The following UBASH3B variants were observed in gnomAD, a reference collection of about 807,000 sequenced individuals.
The protein encoded by UBASH3B is ubiquitin associated and SH3 domain containing B.
UBASH3B carries 37 observed loss-of-function variants against 83.4 expected under a neutral mutation model. That is an observed-to-expected ratio of 0.44 (90% confidence interval 0.34 to 0.58). The LOEUF (loss-of-function observed/expected upper bound fraction) is 0.58, where lower values mean the gene tolerates loss of function less well. UBASH3B is among the 20% of genes least tolerant of loss of function. The pLI is 0.01. For missense variants in UBASH3B, 657 were observed against 827.2 expected, an observed-to-expected ratio of 0.79 and a Z score of 2.52; for synonymous variants, 304 against 318.3, an observed-to-expected ratio of 0.96 and a Z score of 0.48.
intron 1 of UBASH3B, among the ~76,000 whole-genome samples, chr11:122,748,574 A>C (rs1318010770): frequency 6.6e-6 from 1 of 152,214 alleles, no homozygotes; most frequent in African/African-American, 2.4e-5. Context: ...ACGTTTATGC[A>C]ATTTATTACT....
intron 1 of UBASH3B, among the ~76,000 whole-genome samples, chr11:122,667,515 A>T (rs983598989): frequency 3.3e-5 from 5 of 152,212 alleles, no homozygotes; most frequent in African/African-American, 1.2e-4. Context: ...CACGATTATG[A>T]TAAAGCGTGG....
At chr11:122,727,390 C>T (rs1188438492) in intron 1 of UBASH3B, 1 of 152,150 alleles carries the variant, frequency 6.6e-6, no homozygotes, top group Non-Finnish European at 1.5e-5. Context: ...TTCCTGCGTT[C>T]TCTAAGGGTC....
intron 1 of UBASH3B, among the ~76,000 whole-genome samples, chr11:122,751,933 A>G (rs1166234123): frequency 6.6e-6 from 1 of 152,204 alleles, no homozygotes; most frequent in African/African-American, 2.4e-5. Flanking sequence ...TCTCCAAAGA[A>G]GAGCCACAAG....
chr11:122,800,234 T>G (rs1468795811), intron 10 of UBASH3B, among the ~76,000 whole-genome samples: 1 of 152,246 alleles, frequency 6.6e-6, no homozygotes, highest in East Asian at 1.9e-4. Context: ...TCATGGAATT[T>G]GCTTTAGAAA....
chr11:122,744,900 C>CGTGTGTGTGTGTGTGTGT (rs1565549521), intron 1 of UBASH3B, among the ~76,000 whole-genome samples: 2 of 115,752 alleles, frequency 1.7e-5, no homozygotes, highest in African/African-American at 5.8e-5. Flanking sequence ...TGTGTGTGTG[C>CGTGTGTGTGTGTGTGTGT]GCGCGCGCGC....
chr11:122,805,838 C>T (rs928581916), intron 11 of UBASH3B, among the ~76,000 whole-genome samples: 1 of 152,230 alleles, frequency 6.6e-6, no homozygotes, highest in African/African-American at 2.4e-5. Flanking sequence ...ACCCCAACCA[C>T]AGGCAGAGAA....
At chr11:122,689,560 C>T (rs1049325310) in intron 1 of UBASH3B, among the ~76,000 whole-genome samples, 14 of 152,106 alleles carry the variant, frequency 9.2e-5, no homozygotes, top group African/African-American at 3.4e-4. Flanking sequence ...CCGAGGAAGC[C>T]TTCTATGAAC....
At chr11:122,728,581 C>A (rs1860785218) in intron 1 of UBASH3B, among the ~76,000 whole-genome samples, 1 of 152,172 alleles carries the variant, frequency 6.6e-6, no homozygotes, top group African/African-American at 2.4e-5. Flanking sequence ...TATTAGCCTC[C>A]CCAGGGAGAT....
rs7951502 is a variant in UBASH3B at position 122,700,242 on chromosome 11, T to A, written c.161+44032T>A. 8.3e-3 allele frequency among the ~76,000 whole-genome samples: 1,266 copies of A among 152,242 alleles called. 14 individuals carry two copies. Among genetic ancestry groups the A allele is most frequent in the African/African-American group, 0.024 (1,009 of 41,542 alleles). Reference sequence around the variant, plus strand: ...CTCAACACTTTGAACTAGCACAAAGTCCCCAGTGCTGAATGAGATGGGCTG... The same window carrying A: ...CTCAACACTTTGAACTAGCACAAAGACCCCAGTGCTGAATGAGATGGGCTG... On this transcript the variant is annotated intron_variant, in intron 1 of 13. Transcript: ENST00000284273.
At chr11:122,717,892 A>G (rs1400715373) in intron 1 of UBASH3B, among the ~76,000 whole-genome samples, 3 of 143,688 alleles carry the variant, frequency 2.1e-5, no homozygotes, top group Non-Finnish European at 4.5e-5. Flanking sequence ...TGGATTTCTC[A>G]CCCAAGTTTC....
At chr11:122,657,910 G>A (rs910989921) in intron 1 of UBASH3B, among the ~76,000 whole-genome samples, 3 of 152,062 alleles carry the variant, frequency 2.0e-5, no homozygotes, top group African/African-American at 7.2e-5. Context: ...CTGGAGGTGG[G>A]GCTGGGTGTA....
intron 1 of UBASH3B, among the ~76,000 whole-genome samples, chr11:122,688,454 T>G (rs1863836731): frequency 6.8e-6 from 1 of 146,528 alleles, no homozygotes; most frequent in South Asian, 2.2e-4. Context: ...GTTTGTTTGT[T>G]TTTTTTTTTG....
intron 4 of UBASH3B, among the ~76,000 whole-genome samples, chr11:122,781,133 T>A (rs1014748680): frequency 2.0e-5 from 3 of 152,106 alleles, no homozygotes; most frequent in Non-Finnish European, 4.4e-5. Context: ...AAGACCCCTC[T>A]GTACCTGGGG....
rs1220645175 is a variant in UBASH3B, at chr11:122,813,730, A to T, written c.*3844A>T. The T allele has an allele frequency of 6.6e-6, 1 of 152,220 alleles. No individual in the cohort carries two copies. The highest frequency in any genetic ancestry group is 2.4e-5 in the African/African-American group (1 of 41,466). 9.4% of individuals were successfully genotyped at this position (152,220 alleles called of 1,614,324 possible). A position where few individuals can be genotyped will look rare whatever the true frequency, so the allele number is the denominator to read the frequency against. On this transcript the variant is annotated 3_prime_UTR_variant, in exon 14 of 14. Transcript: ENST00000284273. Reference sequence around the variant, plus strand: ...GGTTAATGTTCACTTTACAAAGGTGATGGGGGATATTTTGTTAGGTGATAG... The same window carrying T: ...GGTTAATGTTCACTTTACAAAGGTGTTGGGGGATATTTTGTTAGGTGATAG...
At chr11:122,682,347 T>C (rs920239385) in intron 1 of UBASH3B, among the ~76,000 whole-genome samples, 6 of 152,272 alleles carry the variant, frequency 3.9e-5, no homozygotes, top group African/African-American at 1.2e-4. Flanking sequence ...GTGGCAGTTA[T>C]TTGATATGGA....
Position 122,809,929 on chromosome 11 carries a change from C to A in UBASH3B, c.*43C>A. 1.2e-6 allele frequency: 2 copies of A among 1,600,130 alleles called. No individual in the cohort carries two copies. Among genetic ancestry groups the A allele is most frequent in the East Asian group, 4.5e-5 (2 of 44,770 alleles). ...GAAGGAAAGGCCTTTTGGAGTGTGT[C>A]TTTCTGTGTGTTTAAAAACAGTGGG... On this transcript the variant is annotated 3_prime_UTR_variant, in exon 14 of 14. Transcript: ENST00000284273.
intron 1 of UBASH3B, among the ~76,000 whole-genome samples, chr11:122,735,451 C>T (rs1405870674): frequency 6.6e-6 from 1 of 152,166 alleles, no homozygotes; most frequent in Non-Finnish European, 1.5e-5. Flanking sequence ...AGTCCTGTTC[C>T]ACCAGCCCAA....
chr11:122,699,659 T>C (rs1864017027), intron 1 of UBASH3B, among the ~76,000 whole-genome samples: 1 of 152,006 alleles, frequency 6.6e-6, no homozygotes, highest in Non-Finnish European at 1.5e-5. Context: ...CTCTGGTTAC[T>C]GCAACCTCCG....
chr11:122,671,131 G>A (rs1010116898), intron 1 of UBASH3B, among the ~76,000 whole-genome samples: 1 of 152,194 alleles, frequency 6.6e-6, no homozygotes, highest in African/African-American at 2.4e-5. Context: ...AGAGATGCGG[G>A]GAGCTGGCTT....
Sources: gnomAD v4.1 joint callset for allele counts (sites outside exome capture counted in the v4.1 genomes callset) on GRCh38, gnomAD v4.1.1 for gene constraint, MANE v1.5 for transcripts, NCBI Gene and HGNC (gene_info 2026-07-23, HGNC 2026-07-21) for gene names.